CFAP57: variants seen among roughly 807,000 people sequenced by gnomAD.
CFAP57 encodes the protein cilia- and flagella-associated protein 57.
In CFAP57, 116 loss-of-function variants were observed where a neutral mutation model predicts 146.8. The ratio of observed to expected loss-of-function variants is 0.79; its 90% CI spans 0.68 to 0.92. The LOEUF is 0.92. Ranked by LOEUF, CFAP57 falls within the 40% of genes least tolerant of loss-of-function variation. CFAP57 has a pLI of 0.00. For synonymous variants in CFAP57, 518 were observed against 552.8 expected (o/e 0.94, Z 0.88); for missense variants, 1,377 against 1,527.2 (o/e 0.90, Z 1.64).
At chr1:43,172,708 C>T in intron 1 of CFAP57, 27 bp from the exon 2 acceptor site, 1 of 1,612,268 alleles carries the variant, frequency 6.2e-7, no homozygotes, top group Non-Finnish European at 8.5e-7. Context: ...GCTCTCCACT[C>T]TGAAGCGCTG....
At chr1:43,180,005 G>A (rs574081569) in intron 2 of CFAP57, among the ~76,000 whole-genome samples, 173 of 151,882 alleles carry the variant, frequency 1.1e-3, no homozygotes, top group African/African-American at 3.8e-3. Context: ...TTGGGAGTTC[G>A]AGACCAGCCT....
intron 18 of CFAP57, 70 bp downstream of exon 18, chr1:43,227,196 C>G: frequency 7.0e-7 from 1 of 1,423,448 alleles, no homozygotes; most frequent in Non-Finnish European, 9.2e-7. Flanking sequence ...GGCTAGCTGG[C>G]CTCAGGGACT....
At position 43,215,278 on chromosome 1, in the gene CFAP57, G is replaced by T; in HGVS notation, c.1953G>T (p.Gln651His). 1 of 1,551,246 alleles carries T rather than the reference G, an allele frequency of 6.4e-7. No homozygotes were observed. The highest frequency in any genetic ancestry group is 1.2e-5 in the South Asian group (1 of 84,062). Residue 651 changes from glutamine to histidine, a missense_variant, in exon 12 of 23, where the codon CAG becomes CAT. By Grantham distance (24) the Gln-to-His change is conservative. Coordinates refer to ENST00000372492, the MANE Select transcript of CFAP57 (RefSeq NM_001378189.1). ...AGATGTTGCTTACCTTTGATGATCAGTTCCTGCTGACTGCTGCTGAGGATG... is the reference window on the plus strand; with the variant it reads ...AGATGTTGCTTACCTTTGATGATCATTTCCTGCTGACTGCTGCTGAGGATG... ...ITKMLLTFDD[Q>H]FLLTAAEDGC... is the part of the protein sequence containing the mutation.
At chr1:43,180,238 T>TATATATATATATATATATATATATATAA (rs1363991276) in intron 2 of CFAP57, among the ~76,000 whole-genome samples, 22 of 137,810 alleles carry the variant, frequency 1.6e-4, no homozygotes, top group African/African-American at 4.6e-4. Flanking sequence ...TATATATATA[T>TATATATATATATATATATATATATATAA]AAAATATATA....
intron 6 of CFAP57, among the ~76,000 whole-genome samples, chr1:43,196,914 G>A (rs1156992579): frequency 6.6e-6 from 1 of 152,108 alleles, no homozygotes. Context: ...ACTTGTGCAA[G>A]GATATTTAGT....
intron 13 of CFAP57, 46 bp downstream of exon 13, chr1:43,219,583 C>T (rs921723140): frequency 2.6e-6 from 4 of 1,547,762 alleles, no homozygotes; most frequent in Middle Eastern, 1.7e-4. Context: ...CAAGAAATTT[C>T]CACTTTCAAG....
At chr1:43,240,514 A>G (rs1007501812) in intron 21 of CFAP57, among the ~76,000 whole-genome samples, 14 of 152,186 alleles carry the variant, frequency 9.2e-5, no homozygotes, top group Non-Finnish European at 1.8e-4. Context: ...TCACACTACA[A>G]TCAGCAAGGC....
intron 22 of CFAP57, among the ~76,000 whole-genome samples, chr1:43,251,070 G>C (rs1646312279): frequency 1.3e-5 from 2 of 152,204 alleles, no homozygotes; most frequent in African/African-American, 4.8e-5. Flanking sequence ...AAATTAGGTG[G>C]GCAGCTGCTT....
chr1:43,207,660 C>T (rs1236049763), intron 10 of CFAP57, among the ~76,000 whole-genome samples: 1 of 152,232 alleles, frequency 6.6e-6, no homozygotes, highest in African/African-American at 2.4e-5. Context: ...AATCCCCAAA[C>T]TCTGAAACCG....
rs1365826886 is a variant in CFAP57 at position 43,180,223 on chromosome 1, T to TATATA, written c.158-1311_158-1310insATATA. Among the ~76,000 whole-genome samples the TATATA allele has an allele frequency of 2.0e-4, 28 of 137,400 alleles. 1 individual carries two copies. The highest frequency in any genetic ancestry group is 7.8e-4 in the African/African-American group (28 of 35,990). The allele number at this position is 137,400 out of a possible 152,430, so 90.1% of individuals were successfully genotyped here. On this transcript the variant is annotated intron_variant, in intron 2 of 22. Transcript: ENST00000372492. ...CTCTATCTCAAAAAATATATATATT[T>TATATA]TATATATATATATATAAAATATATA...
At chr1:43,239,598 G>A (rs1645831956) in intron 21 of CFAP57, among the ~76,000 whole-genome samples, 1 of 152,220 alleles carries the variant, frequency 6.6e-6, no homozygotes, top group Non-Finnish European at 1.5e-5. Flanking sequence ...ATAGGACTCA[G>A]TGACAGAATG....
chr1:43,234,766 C>A, intron 21 of CFAP57, 128 bp downstream of exon 21: 1 of 1,211,444 alleles, frequency 8.3e-7, no homozygotes, highest in African/African-American at 1.5e-5. Context: ...GTAGCTCCCC[C>A]TAAAGTCTTA....
Position 43,201,065 on chromosome 1 carries a change from C to T in CFAP57, c.1542+1562C>T, listed in dbSNP as rs930931305. On this transcript the variant is annotated intron_variant, in intron 9 of 22. Coordinates refer to ENST00000372492, the MANE Select transcript of CFAP57 (RefSeq NM_001378189.1). This position sits in a 1 kb window ranked among gnomAD's most constrained non-coding sequence, Gnocchi z 4.4. ...TCCATTTTGGCCATGTGATATTTGACGTGCCCAGAAGTGTGATGTATGTGT... is the reference window on the plus strand; with the variant it reads ...TCCATTTTGGCCATGTGATATTTGATGTGCCCAGAAGTGTGATGTATGTGT... Among the ~76,000 whole-genome samples the T allele has an allele frequency of 6.6e-6, 1 of 152,080 alleles. No homozygotes were observed. Among genetic ancestry groups the T allele is most frequent in the Non-Finnish European group, 1.5e-5 (1 of 68,026 alleles).
At position 43,197,662 on chromosome 1, in the gene CFAP57, G is replaced by A. The variant is rs143690328; in HGVS notation, c.1232G>A (p.Arg411Gln). The A allele has an allele frequency of 9.9e-6, 16 of 1,613,974 alleles. No homozygotes were observed. The highest frequency in any genetic ancestry group is 5.0e-5 in the Admixed American group (3 of 59,984). The change falls in exon 7 of 23, where the codon CGA (arginine) becomes CAA (glutamine). Residue 411 changes from arginine to glutamine, a missense_variant. Arg to Gln is a conservative substitution (Grantham distance 43, BLOSUM62 1). Coordinates refer to ENST00000372492, the MANE Select transcript of CFAP57 (RefSeq NM_001378189.1). The stretch of plus-strand genomic sequence containing the variant: ...CTTATAGCCACCTGTTCTCTGGATC[G>A]ATCCATCCGCCTTTGGAATTATGAA... ...KPLIATCSLDRSIRLWNYETN... is the reference protein window; with the variant it reads ...KPLIATCSLDQSIRLWNYETN...
intron 2 of CFAP57, among the ~76,000 whole-genome samples, chr1:43,181,273 T>C (rs1232883027): frequency 2.0e-5 from 3 of 152,176 alleles, no homozygotes; most frequent in East Asian, 3.9e-4. Context: ...GGTTTCACCA[T>C]GTTGGCCAGG....
intron 3 of CFAP57, 128 bp downstream of exon 3, chr1:43,181,978 A>T: frequency 9.3e-7 from 1 of 1,072,188 alleles, no homozygotes; most frequent in South Asian, 1.4e-5. Context: ...CAACAACCGT[A>T]TAAGGTATGC....
chr1:43,187,711 C>T (rs925223998), intron 6 of CFAP57, among the ~76,000 whole-genome samples: 2 of 152,006 alleles, frequency 1.3e-5, no homozygotes, highest in African/African-American at 2.4e-5. Flanking sequence ...CTTCATGTCT[C>T]TATATATAGA....
At chr1:43,250,591 A>G (rs2124694558) in intron 22 of CFAP57, among the ~76,000 whole-genome samples, 1 of 152,360 alleles carries the variant, frequency 6.6e-6, no homozygotes. Context: ...TCCCATGACT[A>G]TATCAAACAC....
In CFAP57 at chr1:43,212,684, A is replaced by G. The variant is rs553969701; in HGVS notation, c.1930-2571A>G. 4.6e-5 allele frequency among the ~76,000 whole-genome samples: 7 copies of G among 152,266 alleles called. No homozygotes were observed. The South Asian group carries it at 1.5e-3, about 32-fold the overall frequency. ...CACGTGGGTCATGCCTGTGATCCCAACACTTTGGGAGGCTGAGGCAGCCAG... is the reference window on the plus strand; with the variant it reads ...CACGTGGGTCATGCCTGTGATCCCAGCACTTTGGGAGGCTGAGGCAGCCAG... On this transcript the variant is annotated intron_variant, in intron 11 of 22. Coordinates refer to ENST00000372492, the MANE Select transcript of CFAP57 (RefSeq NM_001378189.1).
Sources: allele counts gnomAD v4.1 joint callset (sites outside exome capture counted in the v4.1 genomes callset), GRCh38; gene constraint gnomAD v4.1.1; non-coding constraint Gnocchi (gnomAD v3.1); transcripts MANE v1.5; gene names NCBI Gene and HGNC (gene_info 2026-07-23, HGNC 2026-07-21).